Variants in SOX6 observed in about 807,000 individuals in gnomAD.
SOX6 encodes transcription factor SOX-6.
In SOX6, 11 loss-of-function variants were observed where a neutral mutation model predicts 97.8. The ratio of observed to expected loss-of-function variants is 0.11; its 90% CI spans 0.07 to 0.19. The LOEUF (loss-of-function observed/expected upper bound fraction) is 0.19, where lower values mean the gene tolerates loss of function less well. Among genes scored for constraint, SOX6 ranks in the 10% least tolerant of loss-of-function variants. The pLI, the probability that SOX6 is intolerant of heterozygous loss-of-function variation, is 1.00. For missense variants in SOX6, 810 were observed against 1,039.5 expected, an observed-to-expected ratio of 0.78 and a Z score of 3.04; for synonymous variants, 360 against 371.4, an observed-to-expected ratio of 0.97 and a Z score of 0.35.
At chr11:16,386,879 C>T (rs190897835) in intron 1 of SOX6, among the ~76,000 whole-genome samples, 5 of 152,228 alleles carry the variant, frequency 3.3e-5, no homozygotes, top group Admixed American at 6.6e-5. Flanking sequence ...TTTTAGTTCA[C>T]CACTGTATTC....
intron 12 of SOX6, among the ~76,000 whole-genome samples, chr11:16,015,583 A>G (rs1299196595): frequency 6.6e-6 from 1 of 151,958 alleles, no homozygotes. Context: ...TTCAACTGTG[A>G]TTTTCTGGGA....
intron 3 of SOX6, among the ~76,000 whole-genome samples, chr11:16,709,411 G>C (rs1414062415): frequency 1.3e-5 from 2 of 152,118 alleles, no homozygotes; most frequent in Non-Finnish European, 1.5e-5. Flanking sequence ...CCAGCTACTT[G>C]GGACGCTGAG....
intron 3 of SOX6, among the ~76,000 whole-genome samples, chr11:16,298,014 G>C (rs942703819): frequency 2.0e-5 from 3 of 152,146 alleles, no homozygotes; most frequent in South Asian, 4.1e-4. Context: ...AGTAGAGGCA[G>C]AAAAACACAT....
At chr11:16,498,840 A>T (rs1003632835) in intron 4 of SOX6, among the ~76,000 whole-genome samples, 4 of 152,154 alleles carry the variant, frequency 2.6e-5, no homozygotes, top group African/African-American at 9.7e-5. Context: ...AGAAACTTAG[A>T]CTCCCACACA....
In SOX6 at chr11:16,116,435, TTTAATATCATA is replaced by T. The variant is rs772120314; in HGVS notation, c.778-4523_778-4513del. On this transcript the variant is annotated intron_variant, in intron 6 of 15. Coordinates refer to ENST00000683767, the MANE Select transcript of SOX6 (RefSeq NM_001367873.1). ...ATATGTCAGGGTCAAAGTTCATACT[TTTAATATCATA>T]TTACATTAAGCATGAAGTCATCCTT... is the stretch of plus-strand genomic sequence containing the variant. Among the ~76,000 whole-genome samples, 111 of 152,314 alleles carry T rather than the reference TTTAATATCATA, an allele frequency of 7.3e-4. 1 individual carries two copies. Among genetic ancestry groups the T allele is most frequent in the Non-Finnish European group, 1.3e-3 (91 of 68,016 alleles).
At chr11:16,337,209 AAAGT>A (rs1475396289) in intron 2 of SOX6, among the ~76,000 whole-genome samples, 1 of 152,108 alleles carries the variant, frequency 6.6e-6, no homozygotes, top group Non-Finnish European at 1.5e-5. Flanking sequence ...AAAAGAAAAA[AAAGT>A]AAGGAAGGGA....
intron 4 of SOX6, among the ~76,000 whole-genome samples, chr11:16,513,850 C>A (rs1860918848): frequency 1.3e-5 from 2 of 152,068 alleles, no homozygotes; most frequent in South Asian, 4.1e-4. Flanking sequence ...AGATGAGACT[C>A]AAATCCAATT....
At position 16,218,387 on chromosome 11, in the gene SOX6, ACT is replaced by A. The variant is rs568589261; in HGVS notation, c.535+16193_535+16194del. Among the ~76,000 whole-genome samples, 227 of 152,102 alleles carry A rather than the reference ACT, an allele frequency of 1.5e-3. 1 individual carries two copies. Among genetic ancestry groups the A allele is most frequent in the Middle Eastern group, 0.01 (3 of 294 alleles). ...TACTTACATACTACAAACAATTGCAACTCTCTCTGCACATCAGAATAAGAGAT... is the reference window on the plus strand; with the variant it reads ...TACTTACATACTACAAACAATTGCAACTCTCTGCACATCAGAATAAGAGAT... On this transcript the variant is annotated intron_variant, in intron 4 of 15. Coordinates refer to ENST00000683767, the MANE Select transcript of SOX6 (RefSeq NM_001367873.1).
chr11:16,149,101 A>G (rs1192080434), intron 6 of SOX6, among the ~76,000 whole-genome samples: 1 of 152,148 alleles, frequency 6.6e-6, no homozygotes, highest in African/African-American at 2.4e-5. Context: ...CTTCTTGTCA[A>G]TGTGTGCAAG....
At chr11:16,139,203 T>G (rs1298515577) in intron 6 of SOX6, among the ~76,000 whole-genome samples, 2 of 152,186 alleles carry the variant, frequency 1.3e-5, no homozygotes, top group Admixed American at 6.5e-5. Context: ...GTTACACTTT[T>G]TTTCTACATT....
intron 12 of SOX6, among the ~76,000 whole-genome samples, chr11:16,035,456 T>C (rs1222386857): frequency 6.6e-6 from 1 of 152,172 alleles, no homozygotes; most frequent in African/African-American, 2.4e-5. Flanking sequence ...TTTAAAACAC[T>C]GACATTTTAG....
At chr11:16,163,948 A>G (rs1270823625) in intron 6 of SOX6, among the ~76,000 whole-genome samples, 1 of 152,182 alleles carries the variant, frequency 6.6e-6, no homozygotes, top group East Asian at 1.9e-4. Flanking sequence ...TTGCGAGACA[A>G]AGAAGAGCTG....
chr11:15,995,711 A>G (rs962830111), intron 13 of SOX6, among the ~76,000 whole-genome samples: 2 of 152,142 alleles, frequency 1.3e-5, no homozygotes, highest in African/African-American at 2.4e-5. Context: ...CTGAAAACCA[A>G]AGACAAAGAG....
chr11:16,521,743 C>T (rs1327238365), intron 4 of SOX6, among the ~76,000 whole-genome samples: 2 of 151,938 alleles, frequency 1.3e-5, no homozygotes, highest in East Asian at 1.9e-4. Context: ...AAAATTTAGA[C>T]GAATGTATAA....
Position 15,970,292 on chromosome 11 carries a change from C to T in SOX6, c.*2517G>A, listed in dbSNP as rs1853263233. ...CAAGTTTCAGTCCTAAAGAACAGTC[C>T]TTTGTTCTCCACCAGCCCAGAATAT... On this transcript the variant is annotated 3_prime_UTR_variant, in exon 16 of 16. Coordinates refer to ENST00000683767, the MANE Select transcript of SOX6 (RefSeq NM_001367873.1). 6.6e-6 allele frequency: 1 copy of T among 152,508 alleles called. No individual in the cohort carries two copies. The highest frequency in any genetic ancestry group is 1.5e-5 in the Non-Finnish European group (1 of 68,000). 9.4% of individuals were successfully genotyped at this position (152,508 alleles called of 1,614,324 possible).
At chr11:16,230,058 T>A (rs1835846150) in intron 4 of SOX6, among the ~76,000 whole-genome samples, 1 of 151,674 alleles carries the variant, frequency 6.6e-6, no homozygotes, top group Non-Finnish European at 1.5e-5. Context: ...CTAATCAGGG[T>A]TTATTTCAAT....
chr11:16,575,082 G>C (rs545865536), intron 4 of SOX6, among the ~76,000 whole-genome samples: 15 of 151,172 alleles, frequency 9.9e-5, no homozygotes, highest in South Asian at 2.1e-4. Flanking sequence ...TAGAAAAATG[G>C]GCAAAAGACT....
upstream of SOX6, among the ~76,000 whole-genome samples, chr11:16,359,575 A>G (rs1196708895): frequency 2.0e-5 from 3 of 152,014 alleles, no homozygotes; most frequent in African/African-American, 7.2e-5. Flanking sequence ...TCCTTTTCTT[A>G]TCTTGTCCTT....
chr11:16,242,605 A>T, intron 3 of SOX6, among the ~76,000 whole-genome samples: 1 of 151,676 alleles, frequency 6.6e-6, no homozygotes, highest in East Asian at 1.9e-4. Context: ...AAGAAAACAC[A>T]CCAGAAATTA....
Sources: gnomAD v4.1 joint callset for allele counts (sites outside exome capture counted in the v4.1 genomes callset) on GRCh38, gnomAD v4.1.1 for gene constraint, MANE v1.5 for transcripts, NCBI Gene and HGNC (gene_info 2026-07-23, HGNC 2026-07-21) for gene names.